The following CDH10 variants were observed in gnomAD, a reference collection of about 807,000 sequenced individuals.
CDH10 encodes cadherin 10, also known as cadherin-10.
Under a neutral mutation model 73.1 loss-of-function variants are expected in CDH10, and 30 were observed. The ratio of observed to expected loss-of-function variants is 0.41; its 90% CI spans 0.31 to 0.56. CDH10 has a LOEUF of 0.56. CDH10 is among the 20% of genes least tolerant of loss of function. The pLI is 0.27. For synonymous variants in CDH10, 345 were observed against 348.2 expected (o/e 0.99, Z 0.10); for missense variants, 815 against 973.7 (o/e 0.84, Z 2.17).
intron 1 of CDH10, among the ~76,000 whole-genome samples, chr5:24,639,759 A>G (rs2112217734): frequency 6.6e-6 from 1 of 151,934 alleles, no homozygotes; most frequent in African/African-American, 2.4e-5. Context: ...CATGTAATTT[A>G]TGTTTATTTT....
chr5:24,570,889 C>T (rs1579823868), intron 2 of CDH10, among the ~76,000 whole-genome samples: 1 of 151,876 alleles, frequency 6.6e-6, no homozygotes, highest in African/African-American at 2.4e-5. Flanking sequence ...AATTATGACC[C>T]GGCTAGACTC....
At chr5:24,569,277 T>G (rs1399789562) in intron 2 of CDH10, among the ~76,000 whole-genome samples, 1 of 152,160 alleles carries the variant, frequency 6.6e-6, no homozygotes, top group East Asian at 1.9e-4. Flanking sequence ...TCGTTTAATT[T>G]GTATCATTTG....
chr5:24,597,424 C>A (rs4701453), intron 1 of CDH10, among the ~76,000 whole-genome samples: 100,645 of 152,022 alleles, frequency 0.66, 37,112 homozygotes, highest in Non-Finnish European at 0.81. Flanking sequence ...AGTGCTTCAG[C>A]CCCCAGATAC....
intron 2 of CDH10, among the ~76,000 whole-genome samples, chr5:24,560,048 C>G (rs1744901092): frequency 6.6e-6 from 1 of 152,054 alleles, no homozygotes; most frequent in Admixed American, 6.6e-5. Flanking sequence ...CTATTTGTGT[C>G]TTTCCTTTAA....
At chr5:24,539,470 T>C (rs1354511539) in intron 2 of CDH10, among the ~76,000 whole-genome samples, 1 of 152,010 alleles carries the variant, frequency 6.6e-6, no homozygotes, top group African/African-American at 2.4e-5. Context: ...TTGTTATCAC[T>C]GGGTCTATAA....
intron 1 of CDH10, among the ~76,000 whole-genome samples, chr5:24,636,052 A>G (rs771251156): frequency 6.6e-6 from 1 of 151,710 alleles, no homozygotes; most frequent in Non-Finnish European, 1.5e-5. Flanking sequence ...AATACAACAC[A>G]CTCAATATTC....
intron 2 of CDH10, among the ~76,000 whole-genome samples, chr5:24,587,792 G>A (rs1469149435): frequency 6.6e-6 from 1 of 152,012 alleles, no homozygotes; most frequent in Non-Finnish European, 1.5e-5. Flanking sequence ...ATTTATGACA[G>A]AGAATTTTGA....
chr5:24,505,406 A>T (rs1386579452), intron 7 of CDH10, among the ~76,000 whole-genome samples, 158 bp from the exon 8 acceptor site: 5 of 152,210 alleles, frequency 3.3e-5, no homozygotes, highest in Admixed American at 3.3e-4. Context: ...TCCTAGTTGC[A>T]CACACACATT....
chr5:24,596,849 A>G (rs1746388712), intron 1 of CDH10, among the ~76,000 whole-genome samples: 1 of 151,930 alleles, frequency 6.6e-6, no homozygotes, highest in Non-Finnish European at 1.5e-5. Context: ...AAGCCTCTCT[A>G]AATATGTTGG....
intron 2 of CDH10, among the ~76,000 whole-genome samples, chr5:24,575,896 A>T (rs1218424594): frequency 6.6e-6 from 1 of 151,818 alleles, no homozygotes; most frequent in Non-Finnish European, 1.5e-5. Context: ...TTCTATAAAC[A>T]TTTTTTTTCT....
chr5:24,528,933 A>T (rs1344322008), intron 5 of CDH10, among the ~76,000 whole-genome samples: 1 of 151,928 alleles, frequency 6.6e-6, no homozygotes, highest in Non-Finnish European at 1.5e-5. Context: ...CTGTTTTTTT[A>T]ACTAATGAAA....
intron 2 of CDH10, among the ~76,000 whole-genome samples, chr5:24,571,012 G>C (rs764837464): frequency 1.8e-4 from 27 of 152,144 alleles, no homozygotes; most frequent in Non-Finnish European, 2.6e-4. Context: ...ATTTGGTCTG[G>C]ATAAAGTAGA....
At chr5:24,519,872 G>A (rs963000337) in intron 5 of CDH10, among the ~76,000 whole-genome samples, 2 of 152,130 alleles carry the variant, frequency 1.3e-5, no homozygotes, top group African/African-American at 2.4e-5. Context: ...GAGGATACAA[G>A]TCTGATGAGG....
chr5:24,593,557 A>C lies in CDH10; in HGVS notation c.-67T>G. ...GGTCCTATTTTACCCAGTTGGTTTT[A>C]CTGTGTTTCAACTGGTTTCCAACAT... On this transcript the variant is annotated 5_prime_UTR_variant, in exon 2 of 12. An upstream open reading frame in the 5' UTR loses its in-frame stop. Transcript: ENST00000264463. The C allele has an allele frequency of 1.2e-6, 1 of 846,974 alleles. No homozygotes were observed. The highest frequency in any genetic ancestry group is 1.9e-6 in the Non-Finnish European group (1 of 513,812). The allele number at this position is 846,974 out of a possible 1,614,324, so 52.5% of individuals were successfully genotyped here.
chr5:24,556,680 T>C (rs1292762826), intron 2 of CDH10, among the ~76,000 whole-genome samples: 1 of 151,748 alleles, frequency 6.6e-6, no homozygotes, highest in Non-Finnish European at 1.5e-5. Flanking sequence ...AGTTATTGTT[T>C]GGATGATTCT....
At chr5:24,595,452 T>C (rs1746340417) in intron 1 of CDH10, among the ~76,000 whole-genome samples, 1 of 151,960 alleles carries the variant, frequency 6.6e-6, no homozygotes, top group Non-Finnish European at 1.5e-5. Flanking sequence ...TACAGCATGA[T>C]AGATGGAAAT....
chr5:24,575,355 C>CAAAAAAAAAAAAAAAAA (rs751333761), intron 2 of CDH10, among the ~76,000 whole-genome samples: 3 of 123,846 alleles, frequency 2.4e-5, no homozygotes, highest in Admixed American at 8.5e-5. Flanking sequence ...ACAAAAACAA[C>CAAAAAAAAAAAAAAAAA]AAAAAAAAAA....
At chr5:24,520,522 T>C (rs6872166) in intron 5 of CDH10, among the ~76,000 whole-genome samples, 73,066 of 151,472 alleles carry the variant, frequency 0.48, 17,659 homozygotes, top group East Asian at 0.58. Context: ...CTTTCTATAT[T>C]TATCAGTCTC....
chr5:24,551,472 G>A (rs1443368146), intron 2 of CDH10, among the ~76,000 whole-genome samples: 1 of 151,978 alleles, frequency 6.6e-6, no homozygotes, highest in South Asian at 2.1e-4. Context: ...TTTTAATATA[G>A]TCAAATTTAT....
Sources: gnomAD v4.1 joint callset for allele counts (sites outside exome capture counted in the v4.1 genomes callset) on GRCh38, gnomAD v4.1.1 for gene constraint, MANE v1.5 for transcripts, NCBI Gene and HGNC (gene_info 2026-07-23, HGNC 2026-07-21) for gene names.